Variants in BACH1 observed in about 807,000 individuals in gnomAD.
The protein encoded by BACH1 is BTB domain and CNC homolog 1, also known as transcription regulator protein BACH1.
Under a neutral mutation model 52.9 loss-of-function variants are expected in BACH1, and 35 were observed. That is an observed-to-expected ratio of 0.66 (90% CI 0.51 to 0.88). The LOEUF (loss-of-function observed/expected upper bound fraction) is 0.88. Among genes scored for constraint, BACH1 ranks in the 40% least tolerant of loss-of-function variants. The pLI is 0.00. For synonymous variants in BACH1, 321 were observed against 319.6 expected (o/e 1.00, Z -0.05); for missense variants, 808 against 872.6 (o/e 0.93, Z 0.93).
intron 1 of BACH1, among the ~76,000 whole-genome samples, chr21:29,315,624 C>CCA (rs375264574): frequency 2.8e-3 from 423 of 151,406 alleles, no homozygotes; most frequent in African/African-American, 5.6e-3. Context: ...TTGTGGCCAA[C>CCA]CACACACACA....
chr21:29,309,601 A>G (rs2088697646), intron 1 of BACH1, among the ~76,000 whole-genome samples: 1 of 152,154 alleles, frequency 6.6e-6, no homozygotes, highest in Non-Finnish European at 1.5e-5. Flanking sequence ...TTAATTGGAA[A>G]TTCTTTAGGT....
In BACH1 at chr21:29,326,167, G is replaced by A. The variant is rs373065218; in HGVS notation, c.343G>A (p.Val115Ile). Residue 115 changes from valine (V) to isoleucine (I), a missense_variant, in exon 3 of 5, where the codon GTA becomes ATA. By Grantham distance (29) the Val-to-Ile change is conservative. Transcript: ENST00000286800. ...GTGCAAATGTGTGGAGTTTTTAAGT[G>A]TACATAATATTGAGGAATCCTGCTT... ...EVCKCVEFLS[V>I]HNIEESCFQF... 5 of 1,614,154 alleles carry A rather than the reference G, an allele frequency of 3.1e-6. No homozygotes were observed. The highest frequency in any genetic ancestry group is 2.5e-6 in the Non-Finnish European group (3 of 1,180,026).
chr21:29,323,575 G>A (rs1236463), intron 2 of BACH1, among the ~76,000 whole-genome samples: 13,877 of 152,096 alleles, frequency 0.091, 1,211 homozygotes, highest in East Asian at 0.4. Context: ...TGAGTGGATG[G>A]TGCCCACCCA....
At chr21:29,319,663 G>T (rs1443783858) in intron 1 of BACH1, among the ~76,000 whole-genome samples, 2 of 148,312 alleles carry the variant, frequency 1.3e-5, no homozygotes, top group Admixed American at 1.4e-4. Context: ...ATAGAAGTAA[G>T]ATTAGTATAG....
At chr21:29,318,084 T>A (rs1321204421) in intron 1 of BACH1, among the ~76,000 whole-genome samples, 1 of 150,386 alleles carries the variant, frequency 6.6e-6, no homozygotes, top group Admixed American at 6.6e-5. Flanking sequence ...AACTGGGATT[T>A]AAAAAAAAAA....
At chr21:29,346,290 A>T (rs1601372541), downstream of BACH1, 1 of 147,874 alleles carries the variant, frequency 6.8e-6, no homozygotes, top group African/African-American at 2.5e-5. Flanking sequence ...AAAAAAAAAA[A>T]TTCCAGCATT....
chr21:29,320,871 A>G (rs753640646), intron 1 of BACH1, among the ~76,000 whole-genome samples: 9 of 151,678 alleles, frequency 5.9e-5, no homozygotes, highest in Non-Finnish European at 1.2e-4. Context: ...CTCTCTCTCA[A>G]CTGTCTCAAA....
intron 1 of BACH1, among the ~76,000 whole-genome samples, chr21:29,309,766 C>G (rs527918489): frequency 6.6e-6 from 1 of 152,302 alleles, no homozygotes; most frequent in South Asian, 2.1e-4. Flanking sequence ...ATCAGTAGAG[C>G]GTTAATCTGA....
chr21:29,306,540 A>G lies in BACH1; in HGVS notation c.-61+7587A>G, dbSNP rs114088210. On this transcript the variant is annotated intron_variant, in intron 1 of 4. Coordinates refer to ENST00000286800, the MANE Select transcript of BACH1 (RefSeq NM_001186.4). ...GTACCGCTGTGATTGGCATAAATGG[A>G]TCGTGATTCATCTTAGGTTGTGGCT... is the stretch of plus-strand genomic sequence containing the variant. Among the ~76,000 whole-genome samples, 211 of 152,142 alleles carry G rather than the reference A, an allele frequency of 1.4e-3. 2 individuals carry two copies. Among genetic ancestry groups the G allele is most frequent in the African/African-American group, 4.3e-3 (177 of 41,476 alleles).
In BACH1 at chr21:29,303,387, G is replaced by A. The variant is rs568639630; in HGVS notation, c.-61+4434G>A. The stretch of plus-strand genomic sequence containing the variant: ...TTTTATCTCCTATGGCACTCTGAAT[G>A]TGCCTTGGCTGTGTTTCTTTAATAA... On this transcript the variant is annotated intron_variant, in intron 1 of 4. Transcript: ENST00000286800. Among the ~76,000 whole-genome samples, 8 of 152,298 alleles carry A rather than the reference G, an allele frequency of 5.3e-5. 1 individual carries two copies. Among genetic ancestry groups the A allele is most frequent in the African/African-American group, 1.9e-4 (8 of 41,562 alleles).
intron 2 of BACH1, among the ~76,000 whole-genome samples, chr21:29,356,432 C>G (rs1056529996): frequency 6.6e-6 from 1 of 152,226 alleles, no homozygotes. Context: ...TGAGTGCAAA[C>G]AGCTGCATGT....
intron 3 of BACH1, 62 bp from the exon 4 acceptor site, chr21:29,329,425 C>T (rs2088955003): frequency 7.5e-7 from 1 of 1,328,742 alleles, no homozygotes; most frequent in East Asian, 2.7e-5. Flanking sequence ...CCTTCATCTT[C>T]CTAGGTTTGA....
chr21:29,334,708 C>T (rs898131352), intron 4 of BACH1, among the ~76,000 whole-genome samples: 3 of 152,188 alleles, frequency 2.0e-5, no homozygotes, highest in Non-Finnish European at 4.4e-5. Flanking sequence ...CAAACACTTG[C>T]GCTCAGGGTT....
intron 2 of BACH1, among the ~76,000 whole-genome samples, chr21:29,357,395 G>A (rs976645688): frequency 1.3e-5 from 2 of 152,212 alleles, no homozygotes; most frequent in Non-Finnish European, 2.9e-5. Flanking sequence ...AGTCACGCTC[G>A]ATTGGTTCCC....
chr21:29,320,276 C>T (rs1044801883), intron 1 of BACH1, among the ~76,000 whole-genome samples: 4 of 152,264 alleles, frequency 2.6e-5, no homozygotes, highest in African/African-American at 7.2e-5. Flanking sequence ...TCATCCTTTC[C>T]GGCCGTAGGG....
intron 2 of BACH1, among the ~76,000 whole-genome samples, chr21:29,353,038 G>A (rs1952185141): frequency 6.6e-6 from 1 of 152,014 alleles, no homozygotes; most frequent in South Asian, 2.1e-4. Context: ...TAGTAGAGAT[G>A]GGGTTTCACT....
At chr21:29,320,636 C>A (rs2088837043) in intron 1 of BACH1, among the ~76,000 whole-genome samples, 2 of 152,180 alleles carry the variant, frequency 1.3e-5, no homozygotes, top group African/African-American at 4.8e-5. Context: ...TCTGGCTTGA[C>A]ACATTTCAGT....
At chr21:29,360,342 A>G (rs1271150274) in intron 2 of BACH1, among the ~76,000 whole-genome samples, 2 of 152,210 alleles carry the variant, frequency 1.3e-5, no homozygotes, top group Non-Finnish European at 2.9e-5. Flanking sequence ...GTAGCTGTCC[A>G]TCAGGCAGAT....
Position 29,304,653 on chromosome 21 carries a change from C to G in BACH1, c.-61+5700C>G, listed in dbSNP as rs564034802. 2.0e-5 allele frequency among the ~76,000 whole-genome samples: 3 copies of G among 151,986 alleles called. No individual in the cohort carries two copies. The South Asian group carries it at 6.2e-4, about 32-fold the overall frequency. On this transcript the variant is annotated intron_variant, in intron 1 of 4. Transcript: ENST00000286800. ...TAGTAAGGGAAATGTCCCTCCCTCC[C>G]CCTACACACCTTTTTTCCAGTTATC...
Sources: gnomAD v4.1 joint callset for allele counts (sites outside exome capture counted in the v4.1 genomes callset) on GRCh38, gnomAD v4.1.1 for gene constraint, MANE v1.5 for transcripts, NCBI Gene and HGNC (gene_info 2026-07-23, HGNC 2026-07-21) for gene names.